NAV2: variants seen among roughly 807,000 people sequenced by gnomAD.
The protein encoded by NAV2 is helicase, APC down-regulated 1.
A neutral mutation model predicts 223.2 loss-of-function variants in NAV2; 54 were observed. That is an observed-to-expected ratio of 0.24 (90% CI 0.19 to 0.30). The LOEUF (loss-of-function observed/expected upper bound fraction) is 0.30. Among genes scored for constraint, NAV2 ranks in the 10% least tolerant of loss-of-function variants. The probability of loss-of-function intolerance (pLI) is 1.00; values close to 1 mark genes in which losing one functional copy is unlikely to be tolerated. For missense variants in NAV2, 2,806 were observed against 3,147.5 expected (o/e 0.89, Z 2.60); for synonymous variants, 1,279 against 1,239.3 (o/e 1.03, Z -0.67).
At chr11:20,023,189 C>G in intron 11 of NAV2, 2 of 1,481,822 alleles carry the variant, frequency 1.3e-6, no homozygotes, top group Non-Finnish European at 1.8e-6. Flanking sequence ...GCATGTACTG[C>G]CTTGTCTTCC....
At chr11:19,537,342 C>A (rs1228119080) in intron 1 of NAV2, among the ~76,000 whole-genome samples, 1 of 152,146 alleles carries the variant, frequency 6.6e-6, no homozygotes, top group Non-Finnish European at 1.5e-5. Flanking sequence ...TCTAAGCCAA[C>A]CTCACAACAA....
intron 17 of NAV2, among the ~76,000 whole-genome samples, chr11:20,053,816 C>A (rs764574269): frequency 6.6e-6 from 1 of 152,194 alleles, no homozygotes; most frequent in Non-Finnish European, 1.5e-5. Flanking sequence ...CGCCCAGTGA[C>A]GGCTCTTCTG....
At chr11:19,461,372 A>G (rs779128186) in intron 1 of NAV2, among the ~76,000 whole-genome samples, 11 of 152,330 alleles carry the variant, frequency 7.2e-5, no homozygotes, top group Non-Finnish European at 1.3e-4. Context: ...ATTTCCTAGG[A>G]AAAAATGAAC....
At chr11:19,740,315 A>T (rs918745361) in intron 1 of NAV2, among the ~76,000 whole-genome samples, 4 of 152,138 alleles carry the variant, frequency 2.6e-5, no homozygotes, top group Non-Finnish European at 4.4e-5. Context: ...GGTTAAATGG[A>T]TTAAGGGCAG....
At chr11:19,578,095 A>G (rs2045618211) in intron 1 of NAV2, among the ~76,000 whole-genome samples, 1 of 152,100 alleles carries the variant, frequency 6.6e-6, no homozygotes, top group Admixed American at 6.5e-5. Context: ...TCCCCTCCCC[A>G]CCACCCCTTC....
intron 6 of NAV2, among the ~76,000 whole-genome samples, chr11:19,915,759 T>A (rs916361731): frequency 6.6e-6 from 1 of 152,212 alleles, no homozygotes; most frequent in Non-Finnish European, 1.5e-5. Flanking sequence ...TTGTTGGTCC[T>A]TCATGAGCAG....
At chr11:19,396,652 A>G (rs1371445688) in intron 1 of NAV2, among the ~76,000 whole-genome samples, 1 of 152,172 alleles carries the variant, frequency 6.6e-6, no homozygotes, top group Admixed American at 6.5e-5. Flanking sequence ...GCTCTCTGCC[A>G]GTGCATCCCT....
chr11:19,391,523 A>C (rs952709107), intron 1 of NAV2, among the ~76,000 whole-genome samples: 2 of 152,196 alleles, frequency 1.3e-5, no homozygotes, highest in Non-Finnish European at 2.9e-5. Flanking sequence ...GTCCCCTTAC[A>C]TTGGAGGAGG....
chr11:19,403,342 T>C (rs1321325938), intron 1 of NAV2, among the ~76,000 whole-genome samples: 1 of 152,144 alleles, frequency 6.6e-6, no homozygotes, highest in African/African-American at 2.4e-5. Flanking sequence ...CCAACAATGA[T>C]ACTCTAGTGC....
intron 1 of NAV2, among the ~76,000 whole-genome samples, chr11:19,395,654 C>T (rs1185305888): frequency 2.6e-5 from 4 of 152,190 alleles, no homozygotes; most frequent in African/African-American, 9.7e-5. Context: ...ACTAAACTTG[C>T]TACCGGTTTC....
chr11:19,985,550 G>T (rs55951650), intron 11 of NAV2, among the ~76,000 whole-genome samples: 79,315 of 147,922 alleles, frequency 0.54, 23,486 homozygotes, highest in Middle Eastern at 0.69. Context: ...AGAAAAAAAA[G>T]TTTTTTTTGT....
chr11:20,028,506 A>G (rs920671), intron 11 of NAV2, among the ~76,000 whole-genome samples: 120,145 of 152,152 alleles, frequency 0.79, 48,036 homozygotes, highest in South Asian at 0.88. Context: ...ACACTTGGTG[A>G]CTGCTGGTAG....
intron 8 of NAV2, among the ~76,000 whole-genome samples, chr11:19,945,119 T>A (rs140257770): frequency 1.1e-5 from 1 of 93,398 alleles, no homozygotes; most frequent in Non-Finnish European, 2.5e-5. Flanking sequence ...TTTTTTCTCT[T>A]TCTTTCTTTC....
intron 6 of NAV2, among the ~76,000 whole-genome samples, chr11:19,910,717 G>T (rs1719597761): frequency 1.3e-5 from 2 of 152,126 alleles, no homozygotes; most frequent in Admixed American, 6.5e-5. Flanking sequence ...AATTAGCCAG[G>T]CGTGGTGGTA....
chr11:19,878,349 A>T (rs2062985948), intron 4 of NAV2, among the ~76,000 whole-genome samples: 1 of 152,180 alleles, frequency 6.6e-6, no homozygotes, highest in Non-Finnish European at 1.5e-5. Flanking sequence ...TGAATGAAGG[A>T]CTTCACTGTT....
intron 36 of NAV2, among the ~76,000 whole-genome samples, chr11:20,111,206 G>A (rs1391950460): frequency 6.6e-6 from 1 of 152,254 alleles, no homozygotes; most frequent in Non-Finnish European, 1.5e-5. Context: ...GCATCCCACA[G>A]TCAGAAGGCT....
At chr11:19,460,740 A>T (rs1852128493) in intron 1 of NAV2, among the ~76,000 whole-genome samples, 1 of 152,102 alleles carries the variant, frequency 6.6e-6, no homozygotes, top group African/African-American at 2.4e-5. Flanking sequence ...ATACATATGT[A>T]ACAAACCTGC....
At chr11:19,391,914 T>G (rs551024425) in intron 1 of NAV2, among the ~76,000 whole-genome samples, 82 of 152,304 alleles carry the variant, frequency 5.4e-4, no homozygotes, top group African/African-American at 1.7e-3. Flanking sequence ...CCAGCTCTCC[T>G]GTATATGTGT....
intron 1 of NAV2, among the ~76,000 whole-genome samples, chr11:19,461,456 CG>C (rs1285248554): frequency 1.3e-5 from 2 of 152,190 alleles, no homozygotes; most frequent in Non-Finnish European, 2.9e-5. Context: ...TAGGCATTAA[CG>C]TGAGTTTCAT....
Sources: gnomAD v4.1 joint callset for allele counts (sites outside exome capture counted in the v4.1 genomes callset) on GRCh38, gnomAD v4.1.1 for gene constraint, MANE v1.5 for transcripts, NCBI Gene and HGNC (gene_info 2026-07-23, HGNC 2026-07-21) for gene names.